GALNT13: variants seen among roughly 807,000 people sequenced by gnomAD.
GALNT13 encodes polypeptide N-acetylgalactosaminyltransferase 13.
A neutral mutation model predicts 64.2 loss-of-function variants in GALNT13; 28 were observed. That is an observed-to-expected ratio of 0.44 (90% CI 0.32 to 0.60). The LOEUF (loss-of-function observed/expected upper bound fraction) is 0.60, where lower values mean the gene tolerates loss of function less well. GALNT13 is among the 20% of genes least tolerant of loss of function. The pLI, the probability that GALNT13 is intolerant of heterozygous loss-of-function variation, is 0.05. For synonymous variants in GALNT13, 214 were observed against 224.6 expected (o/e 0.95, Z 0.42); for missense variants, 577 against 669.8 (o/e 0.86, Z 1.53).
In GALNT13 at chr2:154,438,630, T is replaced by C; in HGVS notation, c.1434T>C (p.Asp478=). The change falls in exon 12 of 13, where the codon GAT becomes GAC. Residue 478 remains aspartate, a synonymous_variant. Coordinates refer to ENST00000392825, the MANE Select transcript of GALNT13 (RefSeq NM_052917.4). ...SYTADKEIRT[D]DLCLDVSRLN... Reference sequence around the variant, plus strand: ...CTGCTGACAAAGAAATCCGAACCGATGACTTGTGCTTGGATGTTTCTAGAC... The same window carrying C: ...CTGCTGACAAAGAAATCCGAACCGACGACTTGTGCTTGGATGTTTCTAGAC... 6.2e-7 allele frequency: 1 copy of C among 1,612,840 alleles called. No homozygotes were observed. Among genetic ancestry groups the C allele is most frequent in the Non-Finnish European group, 8.5e-7 (1 of 1,178,988 alleles).
chr2:153,099,732 A>T, the GALNT13 span, among the ~76,000 whole-genome samples: 1 of 152,172 alleles, frequency 6.6e-6, no homozygotes, highest in Non-Finnish European at 1.5e-5. Context: ...TTATGGATGT[A>T]TCTCTTATTT....
At chr2:153,675,198 A>G in the GALNT13 span, among the ~76,000 whole-genome samples, 10 of 152,226 alleles carry the variant, frequency 6.6e-5, no homozygotes, top group African/African-American at 1.9e-4. Context: ...ATTACTGGGT[A>G]TATACCCAAA....
At chr2:153,359,072 TTCATTTTAA>T in the GALNT13 span, among the ~76,000 whole-genome samples, 17 of 148,624 alleles carry the variant, frequency 1.1e-4, no homozygotes, top group African/African-American at 3.2e-4. Flanking sequence ...AATTAGTTCA[TTCATTTTAA>T]TTTATGTATA....
At chr2:154,405,073 C>T (rs956972564) in intron 10 of GALNT13, among the ~76,000 whole-genome samples, 3 of 151,896 alleles carry the variant, frequency 2.0e-5, no homozygotes, top group African/African-American at 7.3e-5. Context: ...TGCAAGCACA[C>T]CAGTACTTTA....
intron 10 of GALNT13, among the ~76,000 whole-genome samples, chr2:154,406,918 A>G (rs1368654655): frequency 5.3e-5 from 8 of 152,204 alleles, no homozygotes; most frequent in Admixed American, 4.6e-4. Context: ...AAAACATTAA[A>G]GTGTTATCTT....
the GALNT13 span, among the ~76,000 whole-genome samples, chr2:153,272,998 G>C: frequency 2.6e-4 from 40 of 151,998 alleles, no homozygotes; most frequent in Middle Eastern, 3.4e-3. Flanking sequence ...CCATGAATCT[G>C]TTCCTGTGTC....
At chr2:154,427,230 A>G (rs1700512006) in intron 11 of GALNT13, among the ~76,000 whole-genome samples, 1 of 152,222 alleles carries the variant, frequency 6.6e-6, no homozygotes. Context: ...GACTCCCAGT[A>G]ACCCTGGTCC....
At chr2:153,073,450 A>G in the GALNT13 span, among the ~76,000 whole-genome samples, 12 of 151,498 alleles carry the variant, frequency 7.9e-5, no homozygotes. Flanking sequence ...AACAGTGTAG[A>G]TTTTTTTTTC....
the GALNT13 span, among the ~76,000 whole-genome samples, chr2:153,606,868 T>A: frequency 1.3e-5 from 2 of 151,506 alleles, no homozygotes; most frequent in African/African-American, 4.8e-5. Context: ...TCGTCAGGTT[T>A]TTTTTTTTTT....
the GALNT13 span, among the ~76,000 whole-genome samples, chr2:153,856,439 A>C: frequency 6.6e-6 from 1 of 152,190 alleles, no homozygotes; most frequent in South Asian, 2.1e-4. Flanking sequence ...AAAAAACTGC[A>C]AACAACCAAC....
At chr2:153,376,964 G>T in the GALNT13 span, among the ~76,000 whole-genome samples, 1 of 152,194 alleles carries the variant, frequency 6.6e-6, no homozygotes, top group African/African-American at 2.4e-5. Context: ...ATTATAGGAT[G>T]AATTGTATTC....
chr2:154,305,684 C>T (rs1574058504), intron 9 of GALNT13, among the ~76,000 whole-genome samples: 1 of 152,146 alleles, frequency 6.6e-6, no homozygotes, highest in African/African-American at 2.4e-5. Context: ...TCAATATACT[C>T]TATAAAATAT....
intron 2 of GALNT13, among the ~76,000 whole-genome samples, chr2:153,942,415 G>A (rs559060984): frequency 1.1e-4 from 17 of 152,040 alleles, no homozygotes; most frequent in African/African-American, 3.6e-4. Flanking sequence ...TAAAGTGAAA[G>A]GATCTACCCT....
At chr2:153,354,934 C>T in the GALNT13 span, among the ~76,000 whole-genome samples, 1 of 152,278 alleles carries the variant, frequency 6.6e-6, no homozygotes, top group East Asian at 1.9e-4. Flanking sequence ...GCCAATGTTT[C>T]AATCATTGCA....
At chr2:153,243,055 G>A in the GALNT13 span, among the ~76,000 whole-genome samples, 2 of 152,306 alleles carry the variant, frequency 1.3e-5, no homozygotes, top group African/African-American at 2.4e-5. Flanking sequence ...AATATCAGTT[G>A]TGGAGGTATA....
At chr2:154,220,787 T>C (rs1688284682) in intron 4 of GALNT13, among the ~76,000 whole-genome samples, 1 of 152,072 alleles carries the variant, frequency 6.6e-6, no homozygotes, top group Non-Finnish European at 1.5e-5. Context: ...GACATTATGC[T>C]AAGAAGGCCC....
At chr2:154,352,065 CAT>C (rs1430778673) in intron 9 of GALNT13, among the ~76,000 whole-genome samples, 1 of 152,108 alleles carries the variant, frequency 6.6e-6, no homozygotes, top group East Asian at 1.9e-4. Flanking sequence ...CAAACTAGTT[CAT>C]ATATTCTTTT....
intron 9 of GALNT13, among the ~76,000 whole-genome samples, chr2:154,351,727 G>GCTCTAT (rs1696421390): frequency 8.6e-6 from 1 of 115,958 alleles, no homozygotes; most frequent in Non-Finnish European, 1.7e-5. Flanking sequence ...AAAAGCCAGA[G>GCTCTAT]CTCTATTTTA....
the GALNT13 span, among the ~76,000 whole-genome samples, chr2:153,739,772 A>T: frequency 6.6e-6 from 1 of 151,226 alleles, no homozygotes; most frequent in South Asian, 2.1e-4. Flanking sequence ...TGATTTCTTA[A>T]TATTTGGCTA....
Sources: gnomAD v4.1 joint callset for allele counts (sites outside exome capture counted in the v4.1 genomes callset) on GRCh38, gnomAD v4.1.1 for gene constraint, MANE v1.5 for transcripts, NCBI Gene and HGNC (gene_info 2026-07-23, HGNC 2026-07-21) for gene names.